MUSK: variants seen among roughly 807,000 people sequenced by gnomAD.
MUSK encodes muscle, skeletal receptor tyrosine-protein kinase.
A neutral mutation model predicts 88.7 loss-of-function variants in MUSK; 55 were observed. The ratio of observed to expected loss-of-function variants is 0.62; its 90% CI spans 0.50 to 0.78. MUSK has a LOEUF of 0.78. Ranked by LOEUF, MUSK falls within the 30% of genes least tolerant of loss-of-function variation. The pLI is 0.00. For missense variants in MUSK, 1,015 were observed against 1,074.3 expected, an observed-to-expected ratio of 0.94 and a Z score of 0.77; for synonymous variants, 387 against 391.9, an observed-to-expected ratio of 0.99 and a Z score of 0.15.
intron 5 of MUSK, among the ~76,000 whole-genome samples, chr9:110,697,947 A>C (rs1306516087): frequency 6.6e-6 from 1 of 152,132 alleles, no homozygotes; most frequent in Admixed American, 6.5e-5. Context: ...AGCCAAAAAT[A>C]ATCCCAGTTC....
chr9:110,769,487 A>C (rs565161859), intron 9 of MUSK, among the ~76,000 whole-genome samples: 2 of 150,754 alleles, frequency 1.3e-5, no homozygotes, highest in African/African-American at 4.9e-5. Flanking sequence ...AAATTACTGC[A>C]AAAAAAAATG....
In MUSK at chr9:110,785,613, C is replaced by T. The variant is rs369745938; in HGVS notation, c.1673C>T (p.Pro558Leu). Residue 558 changes from proline (P) to leucine (L), a missense_variant, in exon 13 of 15, where the codon CCG becomes CTG. Physicochemically the swap from Pro to Leu is moderately conservative, Grantham distance 98. Transcript: ENST00000374448. ...CCCAACCCCATGTACCAGAGGATGCCGCTCCTTCTGAACCCCAAATTGCTC... is the reference window on the plus strand; with the variant it reads ...CCCAACCCCATGTACCAGAGGATGCTGCTCCTTCTGAACCCCAAATTGCTC... ...LHPNPMYQRMPLLLNPKLLSL... is the reference protein window; with the variant it reads ...LHPNPMYQRMLLLLNPKLLSL... 1.4e-5 allele frequency: 22 copies of T among 1,613,180 alleles called. No individual in the cohort carries two copies. The highest frequency in any genetic ancestry group is 8.8e-5 in the South Asian group (8 of 91,020).
Position 110,800,808 on chromosome 9 carries a change from G to A in MUSK, c.2430G>A (p.Glu810=). The A allele has an allele frequency of 6.2e-7, 1 of 1,613,554 alleles. No homozygotes were observed. The highest frequency in any genetic ancestry group is 8.5e-7 in the Non-Finnish European group (1 of 1,179,552). The change falls in exon 15 of 15, where the codon GAG becomes GAA. Residue 810 remains glutamate (E), a synonymous_variant. Transcript: ENST00000374448. The stretch of plus-strand genomic sequence containing the variant: ...CCTACTATGGGATGGCCCATGAGGA[G>A]GTCATTTACTACGTGCGAGATGGCA... The part of the protein sequence containing the change: ...LQPYYGMAHE[E]VIYYVRDGNI...
At chr9:110,686,202 G>A (rs1415964169) in intron 2 of MUSK, among the ~76,000 whole-genome samples, 2 of 151,936 alleles carry the variant, frequency 1.3e-5, no homozygotes, top group Admixed American at 1.3e-4. Flanking sequence ...CCACTTATAA[G>A]TCTAGCAATG....
chr9:110,700,312 A>T (rs2076485410), intron 5 of MUSK, among the ~76,000 whole-genome samples: 1 of 152,222 alleles, frequency 6.6e-6, no homozygotes, highest in South Asian at 2.1e-4. Flanking sequence ...TAGAGAGGAT[A>T]GCTAACTTAC....
intron 9 of MUSK, among the ~76,000 whole-genome samples, chr9:110,774,005 GC>G (rs2077624262): frequency 6.6e-6 from 1 of 151,932 alleles, no homozygotes; most frequent in African/African-American, 2.4e-5. Context: ...TAAACATTGT[GC>G]CCTTTTCATC....
At chr9:110,770,074 A>T (rs1203889997) in intron 9 of MUSK, among the ~76,000 whole-genome samples, 1 of 151,842 alleles carries the variant, frequency 6.6e-6, no homozygotes, top group Non-Finnish European at 1.5e-5. Flanking sequence ...CTGTACTCTG[A>T]ATTCTATTTC....
chr9:110,687,038 T>C, intron 2 of MUSK, 79 bp from the exon 3 acceptor site: 1 of 1,424,710 alleles, frequency 7.0e-7, no homozygotes, highest in Non-Finnish European at 9.6e-7. Context: ...CATTAACAAG[T>C]CATCGGTTTG....
chr9:110,690,036 T>G lies in MUSK; in HGVS notation c.358+2768T>G, dbSNP rs368054901. Among the ~76,000 whole-genome samples, 155 of 93,442 alleles carry G rather than the reference T, an allele frequency of 1.7e-3. 1 individual carries two copies. The highest frequency in any genetic ancestry group is 6.5e-3 in the African/African-American group (142 of 21,810). The allele number at this position is 93,442 out of a possible 152,430, so 61.3% of individuals were successfully genotyped here. The stretch of plus-strand genomic sequence containing the variant: ...ATATATAATATATATTATATATTAA[T>G]ATAAGTATAAATATATAAATATATA... On this transcript the variant is annotated intron_variant, in intron 3 of 14. Coordinates refer to ENST00000374448, the MANE Select transcript of MUSK (RefSeq NM_005592.4).
In MUSK at chr9:110,806,288, A is replaced by G. The variant is rs2078161472; in HGVS notation, c.*5300A>G. On this transcript the variant is annotated 3_prime_UTR_variant, in exon 15 of 15. Transcript: ENST00000374448. ...ATATTGTTTATCACAACTTTCACAA[A>G]TATTTCTAAATAAAGGTTACCTACT... 6.6e-6 allele frequency among the ~76,000 whole-genome samples: 1 copy of G among 152,172 alleles called. No individual in the cohort carries two copies. Among genetic ancestry groups the G allele is most frequent in the Admixed American group, 6.6e-5 (1 of 15,266 alleles).
intron 5 of MUSK, among the ~76,000 whole-genome samples, chr9:110,712,425 C>T (rs1220460390): frequency 1.3e-5 from 2 of 152,096 alleles, no homozygotes; most frequent in Non-Finnish European, 2.9e-5. Flanking sequence ...CTTAAGATCT[C>T]TATGGAAAGA....
intron 7 of MUSK, chr9:110,761,842 G>A: frequency 1.2e-6 from 1 of 844,600 alleles, no homozygotes; most frequent in African/African-American, 1.8e-5. Context: ...CCAAAGTGCT[G>A]GGATTACAGG....
rs553358888 is a variant in MUSK, at chr9:110,696,039, G to T, written c.486+509G>T. Among the ~76,000 whole-genome samples, 11 of 152,242 alleles carry T rather than the reference G, an allele frequency of 7.2e-5. No homozygotes were observed. The South Asian group carries it at 2.3e-3, about 32-fold the overall frequency. ...AAGAGTAGTCACGCCTGTAATTCCAGCACTTCAGGATGCCAAGGCCTGAGG... is the reference window on the plus strand; with the variant it reads ...AAGAGTAGTCACGCCTGTAATTCCATCACTTCAGGATGCCAAGGCCTGAGG... On this transcript the variant is annotated intron_variant, in intron 4 of 14. Coordinates refer to ENST00000374448, the MANE Select transcript of MUSK (RefSeq NM_005592.4).
At chr9:110,776,082 G>C in intron 10 of MUSK, 119 bp downstream of exon 10, 1 of 997,268 alleles carries the variant, frequency 1.0e-6, no homozygotes, top group Non-Finnish European at 1.5e-6. Flanking sequence ...TTTTTTTTGA[G>C]TTCTGCCTTC....
At chr9:110,727,836 T>C (rs550963335) in intron 5 of MUSK, among the ~76,000 whole-genome samples, 1 of 152,280 alleles carries the variant, frequency 6.6e-6, no homozygotes, top group East Asian at 1.9e-4. Context: ...GGCCATTTTT[T>C]ACTTACAAAT....
chr9:110,696,436 G>A (rs984910082), intron 4 of MUSK, among the ~76,000 whole-genome samples: 2 of 152,052 alleles, frequency 1.3e-5, no homozygotes, highest in Non-Finnish European at 2.9e-5. Context: ...ACAATGCATA[G>A]TATATTTTAA....
chr9:110,783,265 G>A (rs990088233), intron 11 of MUSK, among the ~76,000 whole-genome samples: 6 of 152,064 alleles, frequency 3.9e-5, no homozygotes, highest in Non-Finnish European at 7.4e-5. Flanking sequence ...ACATTGCCAG[G>A]TTGTGATATT....
At chr9:110,740,582 G>C (rs1335308871) in intron 6 of MUSK, among the ~76,000 whole-genome samples, 5 of 151,976 alleles carry the variant, frequency 3.3e-5, no homozygotes, top group African/African-American at 1.2e-4. Context: ...AAATACTCTG[G>C]AGCAAAATAA....
chr9:110,691,377 A>T (rs1462931883), intron 3 of MUSK, among the ~76,000 whole-genome samples: 1 of 152,092 alleles, frequency 6.6e-6, no homozygotes, highest in East Asian at 1.9e-4. Context: ...CTTCTCAGCT[A>T]ACAACAGTGT....
Sources: gnomAD v4.1 joint callset for allele counts (sites outside exome capture counted in the v4.1 genomes callset) on GRCh38, gnomAD v4.1.1 for gene constraint, MANE v1.5 for transcripts, NCBI Gene and HGNC (gene_info 2026-07-23, HGNC 2026-07-21) for gene names.